SPTLC1: variants seen among roughly 807,000 people sequenced by gnomAD.
SPTLC1 encodes the protein serine palmitoyltransferase long chain base subunit 1.
A neutral mutation model predicts 68.9 loss-of-function variants in SPTLC1; 55 were observed. The observed-to-expected ratio is 0.80, with a 90% CI of 0.64 to 1.00. The LOEUF is 1.00. SPTLC1 is among the 50% of genes least tolerant of loss of function. SPTLC1 has a pLI of 0.00. For missense variants in SPTLC1, 449 were observed against 573.1 expected, an observed-to-expected ratio of 0.78 and a Z score of 2.21; for synonymous variants, 197 against 201.6, an observed-to-expected ratio of 0.98 and a Z score of 0.19.
At chr9:92,039,861 T>A (rs961388175) in intron 12 of SPTLC1, among the ~76,000 whole-genome samples, 2 of 151,034 alleles carry the variant, frequency 1.3e-5, no homozygotes, top group African/African-American at 5.0e-5. Context: ...TATAAATATA[T>A]CATGCTAGAT....
intron 3 of SPTLC1, among the ~76,000 whole-genome samples, chr9:92,096,455 C>T (rs1835533077): frequency 6.6e-6 from 1 of 152,050 alleles, no homozygotes; most frequent in Non-Finnish European, 1.5e-5. Context: ...AGCAATTATA[C>T]CTCAGTAAAA....
At chr9:92,062,439 T>C (rs1834138774) in intron 6 of SPTLC1, among the ~76,000 whole-genome samples, 5 of 152,278 alleles carry the variant, frequency 3.3e-5, no homozygotes, top group Admixed American at 2.6e-4. Flanking sequence ...CAACAACTGA[T>C]AGAAGAACTA....
Position 92,108,721 on chromosome 9 carries a change from G to T in SPTLC1, c.260+19C>A. On this transcript the variant is annotated intron_variant, in intron 3 of 14. Coordinates refer to ENST00000262554, the MANE Select transcript of SPTLC1 (RefSeq NM_006415.4). ...CAAGAAGCCAAATACAAGTACTTCAGGTAGCAAAATCAATTTACCCTGAAA... is the reference window on the plus strand; with the variant it reads ...CAAGAAGCCAAATACAAGTACTTCATGTAGCAAAATCAATTTACCCTGAAA... The T allele has an allele frequency of 1.3e-6, 2 of 1,589,624 alleles. No homozygotes were observed. The highest frequency in any genetic ancestry group is 1.7e-6 in the Non-Finnish European group (2 of 1,163,252).
chr9:92,103,518 G>A (rs1835835745), intron 3 of SPTLC1, among the ~76,000 whole-genome samples: 1 of 152,198 alleles, frequency 6.6e-6, no homozygotes, highest in Non-Finnish European at 1.5e-5. Context: ...AGCCTGGCTG[G>A]GCCATGACCA....
At chr9:92,100,530 T>C (rs1835708498) in intron 3 of SPTLC1, among the ~76,000 whole-genome samples, 1 of 152,144 alleles carries the variant, frequency 6.6e-6, no homozygotes, top group African/African-American at 2.4e-5. Flanking sequence ...GACCGATTAC[T>C]GATTTATTGT....
chr9:92,115,109 C>T lies in SPTLC1; in HGVS notation c.57+205G>A. On this transcript the variant is annotated intron_variant, in intron 1 of 14. Coordinates refer to ENST00000262554, the MANE Select transcript of SPTLC1 (RefSeq NM_006415.4). ...GCATAAGAATTCAAACCGAGACCCT[C>T]AGTCCCAGCCCCCGCCCCCGCCCGT... is the stretch of plus-strand genomic sequence containing the variant. 8.2e-6 allele frequency: 5 copies of T among 607,724 alleles called. No homozygotes were observed. In the South Asian group the frequency reaches 9.5e-5, roughly 12 times the overall value. 37.6% of individuals were successfully genotyped at this position (607,724 alleles called of 1,614,324 possible). A position where few individuals can be genotyped will look rare whatever the true frequency, so the allele number is the denominator to read the frequency against.
At chr9:92,104,587 G>C (rs1290184468) in intron 3 of SPTLC1, 3 of 1,487,234 alleles carry the variant, frequency 2.0e-6, no homozygotes, top group African/African-American at 2.8e-5. Context: ...TCAGAGGCAA[G>C]TTTAACCTTC....
chr9:92,034,800 G>A lies in SPTLC1; in HGVS notation c.1328+10C>T, dbSNP rs752320059. ...GAAAAAAATAAGGTCATATTTTAAC[G>A]TCAACTGACCTGGGAGGAGGGAGAC... On this transcript the variant is annotated intron_variant, in intron 14 of 14. Coordinates refer to ENST00000262554, the MANE Select transcript of SPTLC1 (RefSeq NM_006415.4). 2.2e-5 allele frequency: 35 copies of A among 1,611,210 alleles called. No homozygotes were observed. Among genetic ancestry groups the A allele is most frequent in the Middle Eastern group, 3.3e-4 (2 of 6,084 alleles).
intron 3 of SPTLC1, among the ~76,000 whole-genome samples, chr9:92,090,599 G>C (rs563882914): frequency 2.1e-4 from 31 of 147,590 alleles, no homozygotes; most frequent in African/African-American, 8.1e-4. Flanking sequence ...GCAACAGAGT[G>C]AGACCCTGTC....
At chr9:92,039,325 A>T (rs1030684997) in intron 12 of SPTLC1, among the ~76,000 whole-genome samples, 1 of 152,190 alleles carries the variant, frequency 6.6e-6, no homozygotes, top group Non-Finnish European at 1.5e-5. Context: ...AGAAAGATAG[A>T]TCTTTAGGGG....
rs1484980276 is a variant in SPTLC1 at position 92,105,354 on chromosome 9, G to A, written c.260+3386C>T. On this transcript the variant is annotated intron_variant, in intron 3 of 14. Transcript: ENST00000262554. The stretch of plus-strand genomic sequence containing the variant: ...CAGGGCAACATGCGTAAGAACATGA[G>A]GTTGTTAAGTAGAACATCAAAATTC... The A allele has an allele frequency of 4.6e-6, 7 of 1,519,192 alleles. No individual in the cohort carries two copies. The Admixed American group carries it at 9.8e-5, about 21-fold the overall frequency. 94.1% of individuals were successfully genotyped at this position (1,519,192 alleles called of 1,614,324 possible).
intron 5 of SPTLC1, among the ~76,000 whole-genome samples, chr9:92,072,262 C>T (rs987315195): frequency 4.6e-5 from 7 of 152,220 alleles, no homozygotes; most frequent in African/African-American, 7.2e-5. Context: ...ACACTCCCAC[C>T]TCTGTCTACG....
intron 11 of SPTLC1, among the ~76,000 whole-genome samples, chr9:92,046,872 C>G (rs1833531601): frequency 6.6e-6 from 1 of 152,180 alleles, no homozygotes; most frequent in African/African-American, 2.4e-5. Flanking sequence ...CTTATTTACA[C>G]CAATGGAACG....
At position 92,077,625 on chromosome 9, in the gene SPTLC1, G is replaced by A. The variant is rs148613104; in HGVS notation, c.427+2391C>T. On this transcript the variant is annotated intron_variant, in intron 5 of 14. Transcript: ENST00000262554. ...CCCTGTATACCTTTTATTTACAGTA[G>A]GCCTTTACACAGTCACCCCAGTATT... 5.9e-5 allele frequency among the ~76,000 whole-genome samples: 9 copies of A among 152,240 alleles called. No homozygotes were observed. In the East Asian group the frequency reaches 1.7e-3, roughly 29 times the overall value.
intron 5 of SPTLC1, chr9:92,079,318 T>G: frequency 8.4e-7 from 1 of 1,189,232 alleles, no homozygotes; most frequent in East Asian, 2.9e-5. Context: ...TCAGGTGATC[T>G]GCCTGCCTCA....
intron 3 of SPTLC1, among the ~76,000 whole-genome samples, chr9:92,103,776 T>C (rs1587611642): frequency 6.6e-6 from 1 of 152,320 alleles, no homozygotes; most frequent in South Asian, 2.1e-4. Flanking sequence ...GCTGGTCCTG[T>C]GCTCTGCTTC....
At chr9:92,111,482 A>G (rs1836240717) in intron 2 of SPTLC1, 1 of 152,140 alleles carries the variant, frequency 6.6e-6, no homozygotes, top group South Asian at 2.1e-4. Flanking sequence ...ATACCCCTAT[A>G]CGAACTTCAC....
Position 92,080,976 on chromosome 9 carries a change from TAG to T in SPTLC1, c.261-15_261-14del. 1 of 1,595,798 alleles carries T rather than the reference TAG, an allele frequency of 6.3e-7. No individual in the cohort carries two copies. Among genetic ancestry groups the T allele is most frequent in the Non-Finnish European group, 8.6e-7 (1 of 1,163,554 alleles). ...GTGGCTTGGAGGGCTAGGGAAGAGA[TAG>T]AGTGGTACATGTCAATTACACATTC... is the stretch of plus-strand genomic sequence containing the variant. On this transcript the variant is annotated splice_polypyrimidine_tract_variant and intron_variant, in intron 3 of 14. Coordinates refer to ENST00000262554, the MANE Select transcript of SPTLC1 (RefSeq NM_006415.4).
intron 6 of SPTLC1, among the ~76,000 whole-genome samples, chr9:92,062,287 C>T (rs78295042): frequency 0.019 from 2,904 of 152,112 alleles, 53 homozygotes; most frequent in Middle Eastern, 0.11. Flanking sequence ...CATTATGAAA[C>T]GCTAAAAGGG....
Sources: allele counts gnomAD v4.1 joint callset (sites outside exome capture counted in the v4.1 genomes callset), GRCh38; gene constraint gnomAD v4.1.1; transcripts MANE v1.5; gene names NCBI Gene and HGNC (gene_info 2026-07-23, HGNC 2026-07-21).